CPAMD8: variants seen among roughly 807,000 people sequenced by gnomAD.
The protein encoded by CPAMD8 is C3 and PZP-like alpha-2-macroglobulin domain-containing protein 8.
A neutral mutation model predicts 224.7 loss-of-function variants in CPAMD8; 146 were observed. The ratio of observed to expected loss-of-function variants is 0.65; its 90% confidence interval spans 0.57 to 0.75. The LOEUF (loss-of-function observed/expected upper bound fraction) is 0.75, where lower values mean the gene tolerates loss of function less well. Ranked by LOEUF, CPAMD8 falls within the 30% of genes least tolerant of loss-of-function variation. The pLI, the probability that CPAMD8 is intolerant of heterozygous loss-of-function variation, is 0.00. For missense variants in CPAMD8, 2,301 were observed against 2,537.5 expected, an observed-to-expected ratio of 0.91 and a Z score of 2.00; for synonymous variants, 966 against 1,044.6, an observed-to-expected ratio of 0.92 and a Z score of 1.45.
chr19:16,967,890 C>CGTGTGTGT lies in CPAMD8; in HGVS notation c.2213+3000_2213+3001insACACACAC, dbSNP rs1568539968. Among the ~76,000 whole-genome samples the CGTGTGTGT allele has an allele frequency of 3.9e-3, 242 of 61,604 alleles. 8 individuals carry two copies. Among genetic ancestry groups the CGTGTGTGT allele is most frequent in the African/African-American group, 0.013 (177 of 13,430 alleles). The allele number at this position is 61,604 out of a possible 152,430, so 40.4% of individuals were successfully genotyped here. On this transcript the variant is annotated intron_variant, in intron 18 of 41. Transcript: ENST00000443236. ...GTATATATGTGCATATATACACACA[C>CGTGTGTGT]ATGTGTGTGTATATATGTGCATATA...
chr19:16,966,004 T>C (rs572151841), intron 18 of CPAMD8, among the ~76,000 whole-genome samples: 56 of 152,280 alleles, frequency 3.7e-4, no homozygotes, highest in African/African-American at 1.3e-3. Context: ...TTAAAGTTCA[T>C]ATGGAACCAA....
In CPAMD8 at chr19:17,011,493, A is replaced by G; in HGVS notation, c.457T>C (p.Ser153Pro). The G allele has an allele frequency of 6.2e-7, 1 of 1,614,094 alleles. No homozygotes were observed. Among genetic ancestry groups the G allele is most frequent in the Non-Finnish European group, 8.5e-7 (1 of 1,180,014 alleles). The change falls in exon 5 of 42, where the codon TCT becomes CCT. Residue 153 changes from serine (S) to proline (P), a missense_variant. By Grantham distance (74) the Ser-to-Pro change is moderately conservative. Coordinates refer to ENST00000443236, the MANE Select transcript of CPAMD8 (RefSeq NM_015692.5). Reference protein sequence around the residue: ...HRVLISIFTVSPNLRPVNEKL... With the variant: ...HRVLISIFTVPPNLRPVNEKL... ...TCGTTGACAGGCCTCAGATTTGGAG[A>G]GACGGTGAAGATGCTTATGAGCACT...
At chr19:16,976,731 T>C (rs73503540) in intron 15 of CPAMD8, among the ~76,000 whole-genome samples, 18,766 of 151,796 alleles carry the variant, frequency 0.12, 2,635 homozygotes, top group African/African-American at 0.33. Context: ...GGAGAGCCTG[T>C]GGCAGTTTGT....
intron 1 of CPAMD8, among the ~76,000 whole-genome samples, chr19:17,024,367 G>C (rs116271726): frequency 0.066 from 10,036 of 152,268 alleles, 345 homozygotes; most frequent in Middle Eastern, 0.078. Flanking sequence ...GGTATGTGCT[G>C]TGTATTACAT....
At chr19:16,916,210 T>C (rs1055768698) in intron 27 of CPAMD8, among the ~76,000 whole-genome samples, 1 of 152,042 alleles carries the variant, frequency 6.6e-6, no homozygotes, top group Non-Finnish European at 1.5e-5. Flanking sequence ...GATGAGGTCT[T>C]ACTATGTTGC....
chr19:16,894,479 C>T (rs1304320362), intron 41 of CPAMD8: 1 of 456,598 alleles, frequency 2.2e-6, no homozygotes, highest in Non-Finnish European at 4.4e-6. Flanking sequence ...GCCGCCAGGA[C>T]TTCGGGATGG....
chr19:16,948,091 T>TCC (rs199713890), intron 20 of CPAMD8, among the ~76,000 whole-genome samples: 2 of 151,902 alleles, frequency 1.3e-5, no homozygotes, highest in African/African-American at 4.8e-5. Context: ...TGCATGTGCA[T>TCC]TGTGGGTGCA....
At chr19:16,937,399 A>G (rs1329466234) in intron 23 of CPAMD8, among the ~76,000 whole-genome samples, 1 of 152,040 alleles carries the variant, frequency 6.6e-6, no homozygotes. Context: ...TAAAAGCACT[A>G]TGGTTTTACG....
At chr19:16,944,583 C>A (rs1175464882) in intron 22 of CPAMD8, among the ~76,000 whole-genome samples, 1 of 152,124 alleles carries the variant, frequency 6.6e-6, no homozygotes, top group Non-Finnish European at 1.5e-5. Flanking sequence ...CCTGGCTGGG[C>A]AAAGGGTGAC....
At chr19:16,942,883 C>T (rs1255121686) in intron 22 of CPAMD8, among the ~76,000 whole-genome samples, 1 of 152,216 alleles carries the variant, frequency 6.6e-6, no homozygotes, top group Non-Finnish European at 1.5e-5. Context: ...ATTTCTAAAG[C>T]CTTGTAGTAC....
At chr19:17,002,037 G>C (rs189345217) in intron 9 of CPAMD8, among the ~76,000 whole-genome samples, 1 of 151,608 alleles carries the variant, frequency 6.6e-6, no homozygotes, top group East Asian at 2.0e-4. Flanking sequence ...GATACTCTAG[G>C]GGGAGGGGCA....
intron 23 of CPAMD8, among the ~76,000 whole-genome samples, chr19:16,929,602 A>G (rs1049580609): frequency 6.6e-6 from 1 of 152,182 alleles, no homozygotes; most frequent in East Asian, 1.9e-4. Flanking sequence ...TGGGAGGCCA[A>G]GGCAGGAGGA....
chr19:16,996,804 G>T (rs1161486278), intron 11 of CPAMD8, among the ~76,000 whole-genome samples: 1 of 134,040 alleles, frequency 7.5e-6, no homozygotes, highest in African/African-American at 2.9e-5. Context: ...GGGCGATGGA[G>T]TGTGACTATC....
intron 19 of CPAMD8, among the ~76,000 whole-genome samples, chr19:16,957,380 G>A (rs1230695500): frequency 2.6e-5 from 4 of 152,216 alleles, no homozygotes; most frequent in African/African-American, 4.8e-5. Context: ...AAGAAAAAAA[G>A]TCAATTGCAT....
Position 16,899,573 on chromosome 19 carries a change from G to T in CPAMD8, c.4774-24C>A, listed in dbSNP as rs2227375. 3,433 of 1,220,670 alleles carry T rather than the reference G, an allele frequency of 2.8e-3. 79 individuals are homozygous for T. The African/African-American group carries it at 0.041, about 15-fold the overall frequency. The allele number at this position is 1,220,670 out of a possible 1,614,324, so 75.6% of individuals were successfully genotyped here. A position where few individuals can be genotyped will look rare whatever the true frequency, so the allele number is the denominator to read the frequency against. ...AGCTGCAGAGGAAGCCAGAAGTCAG[G>T]GTCCTCAGACTCTCTACTTGCTTCC... is the stretch of plus-strand genomic sequence containing the variant. On this transcript the variant is annotated intron_variant, in intron 36 of 41. Transcript: ENST00000443236. This position sits in a 1 kb window ranked among gnomAD's most constrained non-coding sequence, Gnocchi z 5.4.
rs60937762 is a variant in CPAMD8 at position 16,953,652 on chromosome 19, CAAA to C, written c.2277-1455_2277-1453del. On this transcript the variant is annotated intron_variant, in intron 19 of 41. Coordinates refer to ENST00000443236, the MANE Select transcript of CPAMD8 (RefSeq NM_015692.5). ...TGGGTGACAGAGTGAGACCTTGTCT[CAAA>C]AAAAAAAAAAAAAAAGGCACTATCA... Among the ~76,000 whole-genome samples the C allele has an allele frequency of 1.3e-3, 126 of 94,352 alleles. 1 individual carries two copies. The Middle Eastern group carries it at 0.027, about 20-fold the overall frequency. 61.9% of individuals were successfully genotyped at this position (94,352 alleles called of 152,430 possible). A position where few individuals can be genotyped will look rare whatever the true frequency, so the allele number is the denominator to read the frequency against.
chr19:17,012,427 G>A (rs113607419), intron 3 of CPAMD8, among the ~76,000 whole-genome samples: 1,894 of 149,874 alleles, frequency 0.013, 21 homozygotes, highest in Middle Eastern at 0.028. Flanking sequence ...GGCTCACTGC[G>A]GCCTTGGCCT....
chr19:16,902,641 G>C lies in CPAMD8; in HGVS notation c.4685+8C>G. The C allele has an allele frequency of 6.3e-7, 1 of 1,586,634 alleles. No homozygotes were observed. The highest frequency in any genetic ancestry group is 2.3e-5 in the East Asian group (1 of 44,426). Reference sequence around the variant, plus strand: ...GGATGCCCACGCCAGCAGGGCAGGTGGCCTTACCTGGTGCACACCTCCAGC... The same window carrying C: ...GGATGCCCACGCCAGCAGGGCAGGTCGCCTTACCTGGTGCACACCTCCAGC... On this transcript the variant is annotated splice_region_variant and intron_variant, in intron 35 of 41. Transcript: ENST00000443236.
At chr19:16,919,220 A>G (rs1283717988) in intron 27 of CPAMD8, among the ~76,000 whole-genome samples, 7 of 152,022 alleles carry the variant, frequency 4.6e-5, no homozygotes, top group South Asian at 4.2e-4. Context: ...GAAAAAAAAA[A>G]AGGAATAGAA....
Sources: allele counts gnomAD v4.1 joint callset (sites outside exome capture counted in the v4.1 genomes callset), GRCh38; gene constraint gnomAD v4.1.1; non-coding constraint Gnocchi (gnomAD v3.1); transcripts MANE v1.5; gene names NCBI Gene and HGNC (gene_info 2026-07-23, HGNC 2026-07-21).